The following PALLD variants were observed in gnomAD, a reference collection of about 807,000 sequenced individuals.
PALLD encodes palladin.
In PALLD, 61 loss-of-function variants were observed where a neutral mutation model predicts 123.5. The observed-to-expected ratio is 0.49, with a 90% CI of 0.40 to 0.61. The LOEUF (loss-of-function observed/expected upper bound fraction) is 0.61, where lower values mean the gene tolerates loss of function less well. PALLD is among the 20% of genes least tolerant of loss of function. The pLI, the probability that PALLD is intolerant of heterozygous loss-of-function variation, is 0.00. For missense variants in PALLD, 1,273 were observed against 1,377.0 expected, an observed-to-expected ratio of 0.92 and a Z score of 1.20; for synonymous variants, 465 against 496.4, an observed-to-expected ratio of 0.94 and a Z score of 0.84.
At chr4:168,554,346 T>C (rs1378161464) in intron 2 of PALLD, among the ~76,000 whole-genome samples, 1 of 152,208 alleles carries the variant, frequency 6.6e-6, no homozygotes, top group Non-Finnish European at 1.5e-5. Flanking sequence ...TTATTGAGTT[T>C]CTCTCTTACT....
At chr4:168,727,418 T>C (rs962863846) in intron 10 of PALLD, among the ~76,000 whole-genome samples, 6 of 152,180 alleles carry the variant, frequency 3.9e-5, no homozygotes, top group African/African-American at 1.4e-4. Context: ...TAGTAGCTGA[T>C]GTGACATGGT....
chr4:168,919,856 G>T (rs1761070521), intron 17 of PALLD, among the ~76,000 whole-genome samples: 1 of 152,168 alleles, frequency 6.6e-6, no homozygotes, highest in South Asian at 2.1e-4. Context: ...CTGAGATCAT[G>T]CTGTCTTTAC....
intron 2 of PALLD, among the ~76,000 whole-genome samples, chr4:168,576,311 T>G (rs954187806): frequency 5.3e-5 from 8 of 152,102 alleles, no homozygotes; most frequent in African/African-American, 1.9e-4. Context: ...TATGTACATG[T>G]GCCATGTTGG....
chr4:168,674,608 A>T (rs890410219), intron 3 of PALLD, among the ~76,000 whole-genome samples: 1 of 152,196 alleles, frequency 6.6e-6, no homozygotes, highest in African/African-American at 2.4e-5. Context: ...AGCTCCAATC[A>T]GATGCGGGCC....
At chr4:168,745,941 C>T (rs1263535750) in intron 10 of PALLD, among the ~76,000 whole-genome samples, 1 of 152,104 alleles carries the variant, frequency 6.6e-6, no homozygotes, top group Non-Finnish European at 1.5e-5. Flanking sequence ...GCATCTGCTA[C>T]ATGTACTCAA....
intron 2 of PALLD, among the ~76,000 whole-genome samples, chr4:168,545,181 T>C (rs764355506): frequency 1.3e-5 from 2 of 152,200 alleles, no homozygotes; most frequent in Non-Finnish European, 2.9e-5. Context: ...AGTATCTCTC[T>C]AAAGCCTGAG....
intron 10 of PALLD, among the ~76,000 whole-genome samples, chr4:168,879,808 T>G (rs907464082): frequency 5.3e-5 from 8 of 152,280 alleles, no homozygotes; most frequent in African/African-American, 1.9e-4. Context: ...AATGGACTTC[T>G]GTTGAAAGTT....
chr4:168,791,234 C>G (rs981218184), intron 10 of PALLD, among the ~76,000 whole-genome samples: 1 of 152,214 alleles, frequency 6.6e-6, no homozygotes, highest in Non-Finnish European at 1.5e-5. Context: ...ACATGTCCCT[C>G]TGCAGAATAG....
At chr4:168,823,622 A>G (rs1392757) in intron 10 of PALLD, among the ~76,000 whole-genome samples, 101,447 of 151,880 alleles carry the variant, frequency 0.67, 34,200 homozygotes, top group Non-Finnish European at 0.7. Flanking sequence ...GGAGACTGCA[A>G]TAAGCTGAGA....
intron 2 of PALLD, among the ~76,000 whole-genome samples, chr4:168,552,439 C>T (rs1766835503): frequency 6.6e-6 from 1 of 152,028 alleles, no homozygotes; most frequent in African/African-American, 2.4e-5. Context: ...TTTCTTATAC[C>T]ACTTACTGGC....
intron 10 of PALLD, among the ~76,000 whole-genome samples, chr4:168,879,559 T>A (rs993845732): frequency 6.6e-6 from 1 of 152,244 alleles, no homozygotes; most frequent in Non-Finnish European, 1.5e-5. Context: ...TATAAAAGTG[T>A]TCCATTGCTA....
At chr4:168,608,887 A>G (rs1198169545) in intron 2 of PALLD, among the ~76,000 whole-genome samples, 1 of 145,840 alleles carries the variant, frequency 6.9e-6, no homozygotes, top group African/African-American at 2.5e-5. Flanking sequence ...GTTTTGTCTC[A>G]CTGGAATCAT....
At chr4:168,719,934 T>TA (rs1383503325) in intron 10 of PALLD, among the ~76,000 whole-genome samples, 1 of 152,224 alleles carries the variant, frequency 6.6e-6, no homozygotes, top group Non-Finnish European at 1.5e-5. Context: ...GGCTGCATAG[T>TA]ATTCCATTGT....
chr4:168,904,065 A>G, intron 15 of PALLD, 159 bp downstream of exon 15: 2 of 704,200 alleles, frequency 2.8e-6, no homozygotes, highest in African/African-American at 1.8e-5. Context: ...GAGGATAGAA[A>G]AATTCTTTGT....
At chr4:168,587,371 A>C (rs1770937804) in intron 2 of PALLD, among the ~76,000 whole-genome samples, 4 of 152,214 alleles carry the variant, frequency 2.6e-5, no homozygotes. Flanking sequence ...GTTTGCTAGA[A>C]CACACCAATA....
rs2151217010 is a variant in PALLD, at chr4:168,894,567, TAC to T, written c.2101-11_2101-10del. On this transcript the variant is annotated splice_polypyrimidine_tract_variant and intron_variant, in intron 11 of 21. Coordinates refer to ENST00000505667, the MANE Select transcript of PALLD (RefSeq NM_001166108.2). Reference sequence around the variant, plus strand: ...TTCTAATTTTGTATTTTTTGTGACTTACGTTGTTTAGAGGTTAACATACGAAG... The same window carrying T: ...TTCTAATTTTGTATTTTTTGTGACTTGTTGTTTAGAGGTTAACATACGAAG... 1 of 1,581,854 alleles carries T rather than the reference TAC, an allele frequency of 6.3e-7. No homozygotes were observed. Among genetic ancestry groups the T allele is most frequent in the Admixed American group, 1.7e-5 (1 of 59,946 alleles).
At chr4:168,580,519 C>A (rs993523817) in intron 2 of PALLD, among the ~76,000 whole-genome samples, 24 of 151,990 alleles carry the variant, frequency 1.6e-4, no homozygotes, top group African/African-American at 5.6e-4. Flanking sequence ...TTATACACTG[C>A]TGGTGAGAGT....
chr4:168,525,021 T>G (rs1292342085), intron 2 of PALLD, among the ~76,000 whole-genome samples: 1 of 152,190 alleles, frequency 6.6e-6, no homozygotes, highest in African/African-American at 2.4e-5. Context: ...CAGATATGAC[T>G]TGTAATCCGT....
chr4:168,832,121 C>A (rs1471373624), intron 10 of PALLD: 1 of 972,368 alleles, frequency 1.0e-6, no homozygotes. Context: ...AGCTCCCGCT[C>A]GCTCCGGACG....
Sources: allele counts gnomAD v4.1 joint callset (sites outside exome capture counted in the v4.1 genomes callset), GRCh38; gene constraint gnomAD v4.1.1; transcripts MANE v1.5; gene names NCBI Gene and HGNC (gene_info 2026-07-23, HGNC 2026-07-21).